The following SEPTIN11 variants were observed in gnomAD, a reference collection of about 807,000 sequenced individuals.
The protein encoded by SEPTIN11 is septin-11.
In SEPTIN11, 25 loss-of-function variants were observed where a neutral mutation model predicts 51.4. That is an observed-to-expected ratio of 0.49 (90% CI 0.35 to 0.68). SEPTIN11 has a LOEUF of 0.68. SEPTIN11 is among the 30% of genes least tolerant of loss of function. The pLI is 0.00. For synonymous variants in SEPTIN11, 174 were observed against 184.1 expected (o/e 0.95, Z 0.44); for missense variants, 381 against 520.8 (o/e 0.73, Z 2.61).
intron 1 of SEPTIN11, among the ~76,000 whole-genome samples, chr4:76,963,594 A>G (rs1240096720): frequency 6.6e-6 from 1 of 152,192 alleles, no homozygotes; most frequent in Non-Finnish European, 1.5e-5. Context: ...AGTTGCCATC[A>G]CAGTCGTCAA....
At chr4:76,951,995 ACTTTT>A (rs998434474) in intron 1 of SEPTIN11, among the ~76,000 whole-genome samples, 15 of 152,226 alleles carry the variant, frequency 9.9e-5, no homozygotes, top group African/African-American at 2.9e-4. Flanking sequence ...AAGACAGAAG[ACTTTT>A]CTTTTGGAAA....
chr4:77,006,789 A>G (rs1724504799), intron 3 of SEPTIN11, among the ~76,000 whole-genome samples: 1 of 152,170 alleles, frequency 6.6e-6, no homozygotes, highest in Admixed American at 6.5e-5. Flanking sequence ...TGTAAAGAGG[A>G]ACTCGACTAT....
At chr4:76,952,302 A>G (rs529392794) in intron 1 of SEPTIN11, among the ~76,000 whole-genome samples, 26 of 152,340 alleles carry the variant, frequency 1.7e-4, no homozygotes, top group African/African-American at 5.5e-4. Context: ...CGCTGAGGGA[A>G]AAGAACCACT....
Position 77,037,834 on chromosome 4 carries a change from T to C in SEPTIN11, c.*3322T>C. ...TTCTCCAAAAAGGGCATTTCAACAA[T>C]GGGAATTATTTAATGTAACAGTGGG... On this transcript the variant is annotated 3_prime_UTR_variant, in exon 10 of 10. Coordinates refer to ENST00000264893, the MANE Select transcript of SEPTIN11 (RefSeq NM_018243.4). 1 of 985,896 alleles carries C rather than the reference T, an allele frequency of 1.0e-6. No individual in the cohort carries two copies. Among genetic ancestry groups the C allele is most frequent in the Non-Finnish European group, 1.2e-6 (1 of 829,942 alleles). The allele number at this position is 985,896 out of a possible 1,614,324, so 61.1% of individuals were successfully genotyped here. A position where few individuals can be genotyped will look rare whatever the true frequency, so the allele number is the denominator to read the frequency against.
At chr4:77,030,761 C>T in intron 8 of SEPTIN11, 22 bp from the exon 9 acceptor site, 5 of 1,572,826 alleles carry the variant, frequency 3.2e-6, no homozygotes, top group South Asian at 1.2e-5. Context: ...ATTCACCAAG[C>T]CTGTTTTCTT....
intron 7 of SEPTIN11, among the ~76,000 whole-genome samples, chr4:77,025,853 G>C (rs1422673750): frequency 6.6e-6 from 1 of 152,172 alleles, no homozygotes; most frequent in African/African-American, 2.4e-5. Flanking sequence ...AATGATATAA[G>C]AAGTAGCATT....
intron 1 of SEPTIN11, among the ~76,000 whole-genome samples, chr4:76,978,551 C>T (rs1476095631): frequency 1.3e-5 from 2 of 152,154 alleles, no homozygotes; most frequent in Non-Finnish European, 2.9e-5. Context: ...GCTTTGACTC[C>T]TGGCCCTACC....
At position 76,949,784 on chromosome 4, in the gene SEPTIN11, G is replaced by A. The variant is rs912785343; in HGVS notation, c.-120G>A. The stretch of plus-strand genomic sequence containing the variant: ...TGCCGCTGGCTGCCAGCGGGACGCC[G>A]GCGAGCAGAGCGCAGCCGCGAGGGA... On this transcript the variant is annotated 5_prime_UTR_variant, in exon 1 of 10. Coordinates refer to ENST00000264893, the MANE Select transcript of SEPTIN11 (RefSeq NM_018243.4). 2.7e-6 allele frequency: 3 copies of A among 1,124,620 alleles called. No individual in the cohort carries two copies. Among genetic ancestry groups the A allele is most frequent in the African/African-American group, 1.6e-5 (1 of 60,984 alleles). 69.7% of individuals were successfully genotyped at this position (1,124,620 alleles called of 1,614,324 possible).
At chr4:76,957,698 C>T (rs868447203) in intron 1 of SEPTIN11, among the ~76,000 whole-genome samples, 16 of 152,108 alleles carry the variant, frequency 1.1e-4, no homozygotes, top group Non-Finnish European at 7.4e-5. Flanking sequence ...TGCCCCTTCT[C>T]TTGCACACCT....
intron 1 of SEPTIN11, among the ~76,000 whole-genome samples, chr4:76,956,962 A>ATGTATGTGTGTGTGTG (rs1721580988): frequency 2.5e-5 from 3 of 119,118 alleles, no homozygotes; most frequent in Non-Finnish European, 5.2e-5. Flanking sequence ...TAGTAGAATG[A>ATGTATGTGTGTGTGTG]TGTGTGTGTG....
chr4:77,000,209 C>T (rs187215564), intron 2 of SEPTIN11, among the ~76,000 whole-genome samples: 1 of 152,280 alleles, frequency 6.6e-6, no homozygotes, highest in East Asian at 1.9e-4. Flanking sequence ...CACAATTCAA[C>T]CTTAATTGTT....
chr4:76,999,913 T>G (rs1436034231), intron 2 of SEPTIN11, among the ~76,000 whole-genome samples: 2 of 152,224 alleles, frequency 1.3e-5, no homozygotes, highest in East Asian at 3.8e-4. Context: ...TTAGTTTAAA[T>G]AAAGCCTTTC....
chr4:76,970,644 T>G (rs144156517), intron 1 of SEPTIN11, among the ~76,000 whole-genome samples: 1 of 152,372 alleles, frequency 6.6e-6, no homozygotes, highest in East Asian at 1.9e-4. Flanking sequence ...TTTTCTAGTC[T>G]CAGTCCAATT....
intron 1 of SEPTIN11, among the ~76,000 whole-genome samples, chr4:76,957,186 A>G (rs1198634334): frequency 6.6e-6 from 1 of 151,672 alleles, no homozygotes; most frequent in Non-Finnish European, 1.5e-5. Context: ...GTGGAAGTGT[A>G]CTCTCTGGGA....
At chr4:76,996,023 G>A (rs1468185461) in intron 1 of SEPTIN11, 1 of 1,279,968 alleles carries the variant, frequency 7.8e-7, no homozygotes, top group Non-Finnish European at 1.1e-6. Context: ...CTGGAAGAGT[G>A]TTAAATATTT....
intron 1 of SEPTIN11, among the ~76,000 whole-genome samples, chr4:76,994,154 C>T (rs1303953354): frequency 1.3e-5 from 2 of 152,130 alleles, no homozygotes; most frequent in East Asian, 1.9e-4. Flanking sequence ...ATACCGTTCA[C>T]GAACGGTTGA....
At chr4:77,030,696 T>G (rs984672054) in intron 8 of SEPTIN11, 87 bp from the exon 9 acceptor site, 5 of 1,266,070 alleles carry the variant, frequency 3.9e-6, no homozygotes, top group African/African-American at 3.0e-5. Context: ...TGCCTGGCCA[T>G]GTTTTGTTTT....
chr4:76,982,731 T>C (rs1722829937), intron 1 of SEPTIN11, among the ~76,000 whole-genome samples: 1 of 152,232 alleles, frequency 6.6e-6, no homozygotes, highest in African/African-American at 2.4e-5. Context: ...TTTCCTAGAA[T>C]TCTTGTTACA....
At chr4:76,985,991 A>C (rs1241149758) in intron 1 of SEPTIN11, among the ~76,000 whole-genome samples, 4 of 152,074 alleles carry the variant, frequency 2.6e-5, no homozygotes, top group Non-Finnish European at 5.9e-5. Flanking sequence ...GAGTGGGAAA[A>C]ATTTGGCCGA....
Sources: allele counts gnomAD v4.1 joint callset (sites outside exome capture counted in the v4.1 genomes callset), GRCh38; gene constraint gnomAD v4.1.1; transcripts MANE v1.5; gene names NCBI Gene and HGNC (gene_info 2026-07-23, HGNC 2026-07-21).